UGT1A7: variants seen among roughly 807,000 people sequenced by gnomAD.
UGT1A7 encodes UDP glucuronosyltransferase family 1 member A7, also known as UDP-glucuronosyltransferase 1A7.
A neutral mutation model predicts 45.6 loss-of-function variants in UGT1A7; 33 were observed. That is an observed-to-expected ratio of 0.72 (90% CI 0.55 to 0.97). The LOEUF is 0.97. Ranked by LOEUF, UGT1A7 falls within the 50% of genes least tolerant of loss-of-function variation. The pLI is 0.00. For synonymous variants in UGT1A7, 274 were observed against 250.6 expected (o/e 1.09, Z -0.88); for missense variants, 684 against 666.2 (o/e 1.03, Z -0.29).
chr2:233,761,878 A>G (rs1435325744), intron 1 of UGT1A7, among the ~76,000 whole-genome samples: 1 of 152,196 alleles, frequency 6.6e-6, no homozygotes, highest in African/African-American at 2.4e-5. Flanking sequence ...GAGAGCGTTC[A>G]TTCACTTATC....
At chr2:233,735,317 G>A (rs1343074609) in intron 1 of UGT1A7, among the ~76,000 whole-genome samples, 2 of 152,024 alleles carry the variant, frequency 1.3e-5, no homozygotes, top group African/African-American at 2.4e-5. Flanking sequence ...TTTTATCAGA[G>A]ACTAGGATTG....
At chr2:233,730,677 T>C (rs1282265511) in intron 1 of UGT1A7, among the ~76,000 whole-genome samples, 2 of 152,094 alleles carry the variant, frequency 1.3e-5, no homozygotes, top group Non-Finnish European at 2.9e-5. Flanking sequence ...AAAGTAATGG[T>C]TGCATCTCAA....
intron 1 of UGT1A7, among the ~76,000 whole-genome samples, chr2:233,720,129 A>G (rs1275543977): frequency 1.3e-5 from 2 of 152,210 alleles, no homozygotes; most frequent in Admixed American, 6.5e-5. Context: ...AGGTGACCAC[A>G]GGAGACCTAG....
rs185086181 is a variant in UGT1A7, at chr2:233,749,033, T to C, written c.856-18001T>C. Among the ~76,000 whole-genome samples, 300 of 151,916 alleles carry C rather than the reference T, an allele frequency of 2.0e-3. 2 individuals carry two copies. The highest frequency in any genetic ancestry group is 7.3e-3 in the Admixed American group (111 of 15,296). On this transcript the variant is annotated intron_variant, in intron 1 of 4. Coordinates refer to ENST00000373426, the MANE Select transcript of UGT1A7 (RefSeq NM_019077.3). Reference sequence around the variant, plus strand: ...TTTAATCCAGAATATTTGGGGTTCATTGATGTGGTACTCTGGGACCTGAAT... The same window carrying C: ...TTTAATCCAGAATATTTGGGGTTCACTGATGTGGTACTCTGGGACCTGAAT...
Position 233,769,434 on chromosome 2 carries a change from T to C in UGT1A7, c.1295+995T>C, listed in dbSNP as rs999407687. 1.3e-5 allele frequency: 20 copies of C among 1,542,190 alleles called. No homozygotes were observed. Among genetic ancestry groups the C allele is most frequent in the Non-Finnish European group, 1.7e-5 (19 of 1,120,764 alleles). On this transcript the variant is annotated intron_variant, in intron 4 of 4. Coordinates refer to ENST00000373426, the MANE Select transcript of UGT1A7 (RefSeq NM_019077.3). This position sits in a 1 kb window ranked among gnomAD's most constrained non-coding sequence, Gnocchi z 4.4. ...GCGTTTGTGCATGTGGCTGTGCTCA[T>C]GTGTGGGTGCACACGTGTGCATTCA...
At chr2:233,692,938 C>T (rs770236705) in intron 1 of UGT1A7, 113 of 1,592,260 alleles carry the variant, frequency 7.1e-5, no homozygotes, top group Non-Finnish European at 9.0e-5. Flanking sequence ...AGGGAAAATA[C>T]CTAGGAGCCC....
intron 1 of UGT1A7, among the ~76,000 whole-genome samples, chr2:233,765,312 TTTA>T (rs1273770554): frequency 2.0e-5 from 3 of 152,204 alleles, no homozygotes; most frequent in African/African-American, 7.2e-5. Flanking sequence ...CACATATTTG[TTTA>T]TTGCAGCACT....
intron 1 of UGT1A7, among the ~76,000 whole-genome samples, chr2:233,725,209 CAGAGGCAGAGGA>C (rs2077393142): frequency 1.2e-5 from 1 of 85,868 alleles, no homozygotes; most frequent in East Asian, 2.5e-4. Flanking sequence ...GAGGCAGAGG[CAGAGGCAGAGGA>C]GGCAGAGGCA....
chr2:233,706,707 T>C (rs1380660987), intron 1 of UGT1A7, among the ~76,000 whole-genome samples: 2 of 152,154 alleles, frequency 1.3e-5, no homozygotes, highest in Non-Finnish European at 2.9e-5. Context: ...TGAAAAGTCA[T>C]GGAATTCTGG....
intron 1 of UGT1A7, among the ~76,000 whole-genome samples, chr2:233,726,737 G>T (rs1199458141): frequency 6.6e-6 from 1 of 152,134 alleles, no homozygotes; most frequent in Non-Finnish European, 1.5e-5. Flanking sequence ...TACTTTTGTG[G>T]GGCTGTGATT....
chr2:233,720,624 T>C lies in UGT1A7; in HGVS notation c.855+37832T>C, dbSNP rs562222860. Among the ~76,000 whole-genome samples, 6 of 152,258 alleles carry C rather than the reference T, an allele frequency of 3.9e-5. No individual in the cohort carries two copies. The South Asian group carries it at 1.2e-3, about 32-fold the overall frequency. On this transcript the variant is annotated intron_variant, in intron 1 of 4. Coordinates refer to ENST00000373426, the MANE Select transcript of UGT1A7 (RefSeq NM_019077.3). ...ATTAATACAGAATATTTGGGTTTCATTGAAATAGTACTCTGGGATGTGAAA... is the reference window on the plus strand; with the variant it reads ...ATTAATACAGAATATTTGGGTTTCACTGAAATAGTACTCTGGGATGTGAAA...
chr2:233,729,398 G>T, intron 1 of UGT1A7: 1 of 1,613,654 alleles, frequency 6.2e-7, no homozygotes. Flanking sequence ...GAATTTGATC[G>T]CCATGTGCTG....
chr2:233,688,142 T>C (rs2074879720), intron 1 of UGT1A7, among the ~76,000 whole-genome samples: 1 of 152,238 alleles, frequency 6.6e-6, no homozygotes, highest in African/African-American at 2.4e-5. Context: ...TCTGTCTGTA[T>C]GGATTTGCCT....
At chr2:233,719,649 G>A in intron 1 of UGT1A7, 1 of 1,614,068 alleles carries the variant, frequency 6.2e-7, no homozygotes, top group South Asian at 1.1e-5. Context: ...GGTCTTCATT[G>A]GGGGCATCAA....
At chr2:233,760,105 A>G in intron 1 of UGT1A7, 1 of 1,175,844 alleles carries the variant, frequency 8.5e-7, no homozygotes, top group Non-Finnish European at 1.2e-6. Context: ...TTGCCTATTA[A>G]GAAACCTAAT....
At position 233,713,658 on chromosome 2, in the gene UGT1A7, C is replaced by A. The variant is rs376312935; in HGVS notation, c.855+30866C>A. 1.7e-5 allele frequency: 27 copies of A among 1,613,822 alleles called. No individual in the cohort carries two copies. Among genetic ancestry groups the A allele is most frequent in the African/African-American group, 2.7e-5 (2 of 74,924 alleles). ...GCTCTACCCTCTGGCCCTGTCCTAC[C>A]TTTGCCATGCTGTTTCTGCTCCTTA... On this transcript the variant is annotated intron_variant, in intron 1 of 4. Coordinates refer to ENST00000373426, the MANE Select transcript of UGT1A7 (RefSeq NM_019077.3).
rs186385577 is a variant in UGT1A7 at position 233,726,826 on chromosome 2, T to C, written c.856-40208T>C. ...TGGAGGTTTTCCTCTATTCGACCAT[T>C]TAAATTTAATTTTTGTTCCTTTTCT... On this transcript the variant is annotated intron_variant, in intron 1 of 4. Transcript: ENST00000373426. 4.6e-3 allele frequency among the ~76,000 whole-genome samples: 697 copies of C among 152,318 alleles called. 10 individuals carry two copies. Among genetic ancestry groups the C allele is most frequent in the Middle Eastern group, 0.031 (9 of 294 alleles).
At chr2:233,760,189 G>T in intron 1 of UGT1A7, 1 of 1,566,266 alleles carries the variant, frequency 6.4e-7, no homozygotes. Context: ...TTATAGTCAC[G>T]TGACACAGTC....
At chr2:233,697,703 A>G (rs1225043788) in intron 1 of UGT1A7, among the ~76,000 whole-genome samples, 2 of 151,894 alleles carry the variant, frequency 1.3e-5, no homozygotes, top group South Asian at 2.1e-4. Context: ...GGATGTAGGC[A>G]TTTATTGTTA....
Sources: allele counts gnomAD v4.1 joint callset (sites outside exome capture counted in the v4.1 genomes callset), GRCh38; gene constraint gnomAD v4.1.1; non-coding constraint Gnocchi (gnomAD v3.1); transcripts MANE v1.5; gene names NCBI Gene and HGNC (gene_info 2026-07-23, HGNC 2026-07-21).